The following SIPA1L2 variants were observed in gnomAD, a reference collection of about 807,000 sequenced individuals.
The protein encoded by SIPA1L2 is signal-induced proliferation-associated 1-like protein 2.
In SIPA1L2, 56 loss-of-function variants were observed where a neutral mutation model predicts 163.9. The ratio of observed to expected loss-of-function variants is 0.34; its 90% confidence interval spans 0.28 to 0.43. The LOEUF (loss-of-function observed/expected upper bound fraction) is 0.43, where lower values mean the gene tolerates loss of function less well. Among genes scored for constraint, SIPA1L2 ranks in the 20% least tolerant of loss-of-function variants. The pLI is 1.00. For missense variants in SIPA1L2, 1,974 were observed against 2,193.5 expected (o/e 0.90, Z 2.00); for synonymous variants, 877 against 865.7 (o/e 1.01, Z -0.23).
intron 1 of SIPA1L2, among the ~76,000 whole-genome samples, chr1:232,602,510 T>C (rs1426635663): frequency 6.6e-6 from 1 of 152,066 alleles, no homozygotes; most frequent in Non-Finnish European, 1.5e-5. Flanking sequence ...TTTGTATTAT[T>C]AGTAGAGATG....
At chr1:232,399,904 A>T (rs1226265518) in intron 22 of SIPA1L2, among the ~76,000 whole-genome samples, 1 of 152,150 alleles carries the variant, frequency 6.6e-6, no homozygotes, top group Non-Finnish European at 1.5e-5. Flanking sequence ...GGTCACTGTC[A>T]GATTGTAATA....
intron 3 of SIPA1L2, among the ~76,000 whole-genome samples, chr1:232,504,401 G>A (rs1666626012): frequency 6.6e-6 from 1 of 151,956 alleles, no homozygotes; most frequent in Non-Finnish European, 1.5e-5. Flanking sequence ...AGCCAGGCAT[G>A]GTGGCGCATG....
chr1:232,475,731 A>G (rs1322895415), intron 7 of SIPA1L2, among the ~76,000 whole-genome samples: 1 of 152,222 alleles, frequency 6.6e-6, no homozygotes. Context: ...TATTTTACCA[A>G]TAACAAGAGC....
chr1:232,422,936 A>T (rs1417866846), intron 18 of SIPA1L2, among the ~76,000 whole-genome samples: 1 of 152,202 alleles, frequency 6.6e-6, no homozygotes, highest in African/African-American at 2.4e-5. Flanking sequence ...AGGATTATTA[A>T]AACCTGTCTT....
intron 1 of SIPA1L2, among the ~76,000 whole-genome samples, chr1:232,576,751 G>A (rs1287672612): frequency 6.6e-6 from 1 of 152,180 alleles, no homozygotes; most frequent in Admixed American, 6.5e-5. Flanking sequence ...GTACTTCAGT[G>A]AACACACAAA....
intron 19 of SIPA1L2, among the ~76,000 whole-genome samples, chr1:232,407,669 A>T (rs1433315477): frequency 6.6e-6 from 1 of 152,170 alleles, no homozygotes; most frequent in African/African-American, 2.4e-5. Context: ...GAAGATGGCG[A>T]TCTCTACCAC....
chr1:232,553,246 C>T (rs553905779), intron 2 of SIPA1L2, among the ~76,000 whole-genome samples: 3 of 152,270 alleles, frequency 2.0e-5, no homozygotes, highest in Non-Finnish European at 4.4e-5. Context: ...TGTCCCTAGT[C>T]GAACTTCTCT....
intron 10 of SIPA1L2, among the ~76,000 whole-genome samples, chr1:232,456,711 G>A (rs60017885): frequency 0.026 from 3,927 of 152,254 alleles, 179 homozygotes; most frequent in African/African-American, 0.09. Flanking sequence ...GGCCATACCG[G>A]TGGCTGTAAA....
chr1:232,565,432 C>T (rs1659344495), intron 2 of SIPA1L2, among the ~76,000 whole-genome samples: 1 of 152,238 alleles, frequency 6.6e-6, no homozygotes, highest in Admixed American at 6.5e-5. Context: ...GCCTGCTCAA[C>T]TATTGACTGT....
chr1:232,587,373 A>G (rs1321771009), intron 1 of SIPA1L2, among the ~76,000 whole-genome samples: 1 of 152,122 alleles, frequency 6.6e-6, no homozygotes, highest in Non-Finnish European at 1.5e-5. Flanking sequence ...TAAGTTCATA[A>G]CGAGTCAAGT....
chr1:232,613,228 C>A (rs1184889757), intron 1 of SIPA1L2, among the ~76,000 whole-genome samples: 3 of 152,168 alleles, frequency 2.0e-5, no homozygotes, highest in Admixed American at 2.0e-4. Flanking sequence ...AATACACTGA[C>A]CTTCAGCTTA....
intron 7 of SIPA1L2, among the ~76,000 whole-genome samples, chr1:232,475,977 A>G (rs1210093826): frequency 6.6e-6 from 1 of 152,154 alleles, no homozygotes; most frequent in East Asian, 1.9e-4. Flanking sequence ...GAATAAAGCT[A>G]CTCATGGAAA....
At position 232,613,020 on chromosome 1, in the gene SIPA1L2, G is replaced by A. The variant is rs138042706; in HGVS notation, c.-319+16849C>T. 2.3e-3 allele frequency among the ~76,000 whole-genome samples: 343 copies of A among 152,266 alleles called. 3 individuals carry two copies. Among genetic ancestry groups the A allele is most frequent in the African/African-American group, 7.5e-3 (310 of 41,550 alleles). On this transcript the variant is annotated intron_variant, in intron 1 of 22. Coordinates refer to ENST00000674635, the MANE Select transcript of SIPA1L2 (RefSeq NM_020808.5). ...TCTCGTGGTACTGAATAAGTCTCAC[G>A]AGATCTGATGGTTTTCATCAAGTGT...
intron 2 of SIPA1L2, chr1:232,561,622 A>G (rs961208072): frequency 6.6e-6 from 1 of 152,240 alleles, no homozygotes; most frequent in Non-Finnish European, 1.5e-5. Flanking sequence ...GAACAGTCCA[A>G]TGAGCCTGTT....
chr1:232,592,727 T>C (rs927459276), intron 1 of SIPA1L2, among the ~76,000 whole-genome samples: 2 of 151,914 alleles, frequency 1.3e-5, no homozygotes, highest in African/African-American at 2.4e-5. Context: ...CTTAGAAAAC[T>C]TGTAATAAAA....
chr1:232,402,632 A>C, intron 21 of SIPA1L2, 159 bp from the exon 22 acceptor site: 1 of 549,860 alleles, frequency 1.8e-6, no homozygotes, highest in Non-Finnish European at 3.1e-6. Context: ...TTGCTGATCT[A>C]GTGGAAAGCC....
intron 2 of SIPA1L2, among the ~76,000 whole-genome samples, chr1:232,554,011 T>A (rs1658555490): frequency 6.6e-6 from 1 of 152,190 alleles, no homozygotes; most frequent in African/African-American, 2.4e-5. Flanking sequence ...GCATGAGCCC[T>A]GACTCCATCC....
intron 5 of SIPA1L2, among the ~76,000 whole-genome samples, chr1:232,488,788 T>C (rs1446427935): frequency 2.0e-5 from 3 of 152,210 alleles, no homozygotes; most frequent in South Asian, 4.1e-4. Context: ...TCTATCTGAC[T>C]ACAAAGACAT....
intron 1 of SIPA1L2, among the ~76,000 whole-genome samples, chr1:232,588,370 A>G (rs1218989151): frequency 6.6e-6 from 1 of 152,170 alleles, no homozygotes; most frequent in Non-Finnish European, 1.5e-5. Flanking sequence ...AAAATTTTAG[A>G]CTTTCTTAAA....
Sources: gnomAD v4.1 joint callset for allele counts (sites outside exome capture counted in the v4.1 genomes callset) on GRCh38, gnomAD v4.1.1 for gene constraint, MANE v1.5 for transcripts, NCBI Gene and HGNC (gene_info 2026-07-23, HGNC 2026-07-21) for gene names.